ZWILCH: variants seen among roughly 807,000 people sequenced by gnomAD.
ZWILCH encodes protein zwilch homolog.
A neutral mutation model predicts 79.9 loss-of-function variants in ZWILCH; 74 were observed. That is an observed-to-expected ratio of 0.93 (90% CI 0.77 to 1.12). The LOEUF is 1.12. ZWILCH is among the 50% of genes most tolerant of loss of function. ZWILCH has a pLI of 0.00. For synonymous variants in ZWILCH, 241 were observed against 228.2 expected (o/e 1.06, Z -0.51); for missense variants, 694 against 687.5 (o/e 1.01, Z -0.11).
intron 5 of ZWILCH, among the ~76,000 whole-genome samples, chr15:66,519,521 C>T (rs1894412711): frequency 6.6e-6 from 1 of 152,226 alleles, no homozygotes; most frequent in African/African-American, 2.4e-5. Context: ...GTGGCGCGAT[C>T]TCGGCTCACT....
rs1004597643 is a variant in ZWILCH, at chr15:66,537,330, G to T, written c.1574+67G>T. The T allele has an allele frequency of 4.6e-5, 56 of 1,204,942 alleles. No individual in the cohort carries two copies. The African/African-American group carries it at 6.8e-4, about 15-fold the overall frequency. The allele number at this position is 1,204,942 out of a possible 1,614,324, so 74.6% of individuals were successfully genotyped here. A position where few individuals can be genotyped will look rare whatever the true frequency, so the allele number is the denominator to read the frequency against. Reference sequence around the variant, plus strand: ...CCTAGCACTATGGGAGGCTGAGGTGGGAGGATAACTTGAGCTCAGGAGTTC... The same window carrying T: ...CCTAGCACTATGGGAGGCTGAGGTGTGAGGATAACTTGAGCTCAGGAGTTC... On this transcript the variant is annotated intron_variant, in intron 16 of 18. Coordinates refer to ENST00000307897, the MANE Select transcript of ZWILCH (RefSeq NM_017975.5).
intron 5 of ZWILCH, among the ~76,000 whole-genome samples, chr15:66,519,651 A>T (rs34919590): frequency 0.069 from 10,471 of 151,954 alleles, 418 homozygotes; most frequent in Middle Eastern, 0.11. Flanking sequence ...AGACGGGGTT[A>T]CACCATATTG....
At chr15:66,509,501 A>G (rs1409745852) in intron 2 of ZWILCH, among the ~76,000 whole-genome samples, 2 of 152,138 alleles carry the variant, frequency 1.3e-5, no homozygotes, top group Non-Finnish European at 2.9e-5. Flanking sequence ...GAGTATCAAC[A>G]ATTCATTCTA....
intron 7 of ZWILCH, among the ~76,000 whole-genome samples, chr15:66,522,084 A>G (rs1270158989): frequency 1.3e-5 from 2 of 151,706 alleles, no homozygotes; most frequent in Non-Finnish European, 2.9e-5. Context: ...TGTAGTCCCA[A>G]CTACTCGGGA....
intron 2 of ZWILCH, among the ~76,000 whole-genome samples, chr15:66,510,962 A>G (rs924545354): frequency 4.6e-5 from 7 of 152,136 alleles, no homozygotes; most frequent in African/African-American, 1.7e-4. Flanking sequence ...TTTATTTCCA[A>G]GTAAAGTCAC....
intron 2 of ZWILCH, among the ~76,000 whole-genome samples, chr15:66,512,674 A>AC (rs1894111976): frequency 6.6e-6 from 1 of 151,498 alleles, no homozygotes. Context: ...GTGGCATGAT[A>AC]TCGGCTCACT....
chr15:66,539,746 G>A (rs1042746959), intron 16 of ZWILCH, among the ~76,000 whole-genome samples: 4 of 151,876 alleles, frequency 2.6e-5, no homozygotes, highest in Admixed American at 1.3e-4. Context: ...CTTCATCCTG[G>A]AGTTTATCTG....
intron 4 of ZWILCH, among the ~76,000 whole-genome samples, chr15:66,518,090 C>T (rs1486358189): frequency 2.0e-5 from 3 of 152,004 alleles, no homozygotes; most frequent in Non-Finnish European, 2.9e-5. Flanking sequence ...TTCTACTGAA[C>T]TTCCACTCCT....
intron 6 of ZWILCH, 49 bp downstream of exon 6, chr15:66,520,709 C>A: frequency 1.6e-6 from 2 of 1,237,992 alleles, no homozygotes; most frequent in Non-Finnish European, 2.3e-6. Context: ...TTGTTGTCAA[C>A]CTGCCTTCCT....
rs1406509853 is a variant in ZWILCH, at chr15:66,518,982, A to C, written c.424A>C (p.Ser142Arg). 2.5e-6 allele frequency: 4 copies of C among 1,614,226 alleles called. No individual in the cohort carries two copies. The East Asian group carries it at 8.9e-5, about 36-fold the overall frequency. ...ALPPLWVRCD[S>R]SDPEGTCWLG... Reference sequence around the variant, plus strand: ...TCCTCCCCTTTGGGTAAGATGTGACAGTTCAGATCCTGAAGGTACTTGTTG... The same window carrying C: ...TCCTCCCCTTTGGGTAAGATGTGACCGTTCAGATCCTGAAGGTACTTGTTG... The change falls in exon 5 of 19, where the codon AGT (serine) becomes CGT (arginine). Residue 142 changes from serine to arginine, a missense_variant. By Grantham distance (110) the Ser-to-Arg change is moderately radical. Transcript: ENST00000307897.
intron 18 of ZWILCH, chr15:66,546,910 A>T (rs1275018063): frequency 1.8e-5 from 4 of 225,796 alleles, no homozygotes; most frequent in Non-Finnish European, 2.6e-5. Flanking sequence ...TAATAGGTCA[A>T]TTTAATCCTA....
chr15:66,519,870 C>T (rs8025898), intron 5 of ZWILCH, among the ~76,000 whole-genome samples: 131,132 of 152,194 alleles, frequency 0.86, 56,529 homozygotes, highest in East Asian at 0.93. Context: ...CATTCATAGG[C>T]CACTGCAACC....
At chr15:66,540,912 C>T (rs1180021751) in intron 17 of ZWILCH, among the ~76,000 whole-genome samples, 4 of 151,466 alleles carry the variant, frequency 2.6e-5, no homozygotes, top group African/African-American at 9.7e-5. Context: ...CAGGTGTGAG[C>T]CACCACTCCT....
At position 66,550,057 on chromosome 15, in the gene ZWILCH, A is replaced by G. The variant is rs1895540262; in HGVS notation, c.*1733A>G. 2 of 1,604,274 alleles carry G rather than the reference A, an allele frequency of 1.2e-6. No homozygotes were observed. Among genetic ancestry groups the G allele is most frequent in the Non-Finnish European group, 1.7e-6 (2 of 1,175,886 alleles). On this transcript the variant is annotated 3_prime_UTR_variant, in exon 19 of 19. Coordinates refer to ENST00000307897, the MANE Select transcript of ZWILCH (RefSeq NM_017975.5). Reference sequence around the variant, plus strand: ...CTGACTCACCTGCAGCAAGCATCTGATTGTTGATAGAGCAAGTTTCCAAAG... The same window carrying G: ...CTGACTCACCTGCAGCAAGCATCTGGTTGTTGATAGAGCAAGTTTCCAAAG...
At chr15:66,528,474 A>C (rs973278587) in intron 10 of ZWILCH, among the ~76,000 whole-genome samples, 1 of 152,206 alleles carries the variant, frequency 6.6e-6, no homozygotes, top group Non-Finnish European at 1.5e-5. Context: ...GAGAAGTAGA[A>C]ATGAATATGT....
At chr15:66,538,950 G>A (rs1024303739) in intron 16 of ZWILCH, among the ~76,000 whole-genome samples, 3 of 152,164 alleles carry the variant, frequency 2.0e-5, no homozygotes, top group African/African-American at 4.8e-5. Flanking sequence ...CTAGGCTAAC[G>A]ATAATTCATA....
intron 17 of ZWILCH, among the ~76,000 whole-genome samples, chr15:66,544,357 G>A (rs1186750154): frequency 6.6e-6 from 1 of 151,976 alleles, no homozygotes; most frequent in Non-Finnish European, 1.5e-5. Context: ...TTTGAGACAG[G>A]GTCTTGCTCT....
intron 12 of ZWILCH, among the ~76,000 whole-genome samples, chr15:66,530,143 A>C (rs1171167105): frequency 6.6e-6 from 1 of 152,256 alleles, no homozygotes; most frequent in African/African-American, 2.4e-5. Context: ...TGGCTAAGTA[A>C]ATAATGATAT....
intron 8 of ZWILCH, among the ~76,000 whole-genome samples, chr15:66,525,207 G>T (rs12911848): frequency 1.3e-5 from 2 of 151,898 alleles, no homozygotes; most frequent in African/African-American, 4.8e-5. Context: ...TCACCACTAC[G>T]TACTACTATA....
Sources: gnomAD v4.1 joint callset for allele counts (sites outside exome capture counted in the v4.1 genomes callset) on GRCh38, gnomAD v4.1.1 for gene constraint, MANE v1.5 for transcripts, NCBI Gene and HGNC (gene_info 2026-07-23, HGNC 2026-07-21) for gene names.